THSD7A: variants seen among roughly 807,000 people sequenced by gnomAD.
The protein encoded by THSD7A is thrombospondin type-1 domain-containing protein 7A.
In THSD7A, 96 loss-of-function variants were observed where a neutral mutation model predicts 231.3. The ratio of observed to expected loss-of-function variants is 0.41; its 90% confidence interval spans 0.35 to 0.49. The LOEUF (loss-of-function observed/expected upper bound fraction) is 0.49. Among genes scored for constraint, THSD7A ranks in the 20% least tolerant of loss-of-function variants. THSD7A has a pLI of 0.05. For synonymous variants in THSD7A, 940 were observed against 743.3 expected, an observed-to-expected ratio of 1.26 and a Z score of -4.30; for missense variants, 2,290 against 2,070.2, an observed-to-expected ratio of 1.11 and a Z score of -2.06.
At chr7:11,701,933 A>G (rs1188120990) in intron 1 of THSD7A, among the ~76,000 whole-genome samples, 1 of 150,702 alleles carries the variant, frequency 6.6e-6, no homozygotes, top group Non-Finnish European at 1.5e-5. Flanking sequence ...GCCTGAGCAC[A>G]CTTTTTCCCC....
chr7:11,791,565 G>C (rs767606519), intron 1 of THSD7A, among the ~76,000 whole-genome samples: 1 of 151,914 alleles, frequency 6.6e-6, no homozygotes, highest in Non-Finnish European at 1.5e-5. Context: ...TTGCTGATAG[G>C]AAGAAAAGTT....
At chr7:11,735,308 C>G (rs1027920972) in intron 1 of THSD7A, among the ~76,000 whole-genome samples, 4 of 151,848 alleles carry the variant, frequency 2.6e-5, no homozygotes, top group African/African-American at 7.2e-5. Context: ...AATATAATTA[C>G]AGGTTGAGCA....
intron 11 of THSD7A, among the ~76,000 whole-genome samples, chr7:11,458,772 A>T (rs900622263): frequency 5.3e-5 from 8 of 152,186 alleles, no homozygotes; most frequent in African/African-American, 1.9e-4. Context: ...CAGTTTTCCG[A>T]TTTGGAAATG....
intron 6 of THSD7A, among the ~76,000 whole-genome samples, chr7:11,503,154 G>C (rs1007241949): frequency 6.6e-6 from 1 of 152,078 alleles, no homozygotes; most frequent in African/African-American, 2.4e-5. Flanking sequence ...CAGAAATAAG[G>C]TTGCACATCT....
At chr7:11,691,883 C>T (rs1780243425) in intron 1 of THSD7A, among the ~76,000 whole-genome samples, 1 of 151,178 alleles carries the variant, frequency 6.6e-6, no homozygotes, top group Admixed American at 6.6e-5. Context: ...TAGGAAATAC[C>T]ATTCTCAGGA....
intron 23 of THSD7A, chr7:11,384,763 T>TGTAA (rs1429574455): frequency 6.6e-6 from 1 of 152,018 alleles, no homozygotes; most frequent in Non-Finnish European, 1.5e-5. Flanking sequence ...TATAAAGCCA[T>TGTAA]GTAAGTCCCT....
intron 1 of THSD7A, among the ~76,000 whole-genome samples, chr7:11,795,409 T>C (rs991919886): frequency 6.6e-6 from 1 of 152,046 alleles, no homozygotes; most frequent in Non-Finnish European, 1.5e-5. Context: ...TGTCAAAAGA[T>C]GATGGTATCC....
At chr7:11,626,231 T>C (rs915374058) in intron 2 of THSD7A, among the ~76,000 whole-genome samples, 1 of 152,072 alleles carries the variant, frequency 6.6e-6, no homozygotes, top group Non-Finnish European at 1.5e-5. Flanking sequence ...CCTAAGACGG[T>C]AGGTCTTATG....
chr7:11,475,248 A>G (rs1562639598), intron 7 of THSD7A, among the ~76,000 whole-genome samples: 1 of 152,140 alleles, frequency 6.6e-6, no homozygotes, highest in Non-Finnish European at 1.5e-5. Context: ...GTTTCCTGCT[A>G]TTGTAGCCTG....
chr7:11,598,091 C>T (rs909400559), intron 2 of THSD7A, among the ~76,000 whole-genome samples: 3 of 152,184 alleles, frequency 2.0e-5, no homozygotes, highest in African/African-American at 4.8e-5. Flanking sequence ...GGAAATCTTA[C>T]CAGTGAGCAG....
intron 23 of THSD7A, among the ~76,000 whole-genome samples, chr7:11,390,285 G>C (rs1266990034): frequency 1.3e-5 from 2 of 152,144 alleles, no homozygotes; most frequent in Admixed American, 1.3e-4. Flanking sequence ...ATATTTCTTG[G>C]AGGCTTTGTT....
chr7:11,597,952 T>G (rs1005216950), intron 2 of THSD7A, among the ~76,000 whole-genome samples: 1 of 152,024 alleles, frequency 6.6e-6, no homozygotes, highest in African/African-American at 2.4e-5. Context: ...CTATGATCAG[T>G]TGACAGAGGA....
At chr7:11,606,829 C>T (rs1045300029) in intron 2 of THSD7A, among the ~76,000 whole-genome samples, 2 of 151,734 alleles carry the variant, frequency 1.3e-5, no homozygotes, top group Non-Finnish European at 2.9e-5. Context: ...GACAGCATGG[C>T]CACAGATTTA....
intron 23 of THSD7A, among the ~76,000 whole-genome samples, chr7:11,393,150 T>C (rs1243458113): frequency 6.6e-6 from 1 of 152,164 alleles, no homozygotes; most frequent in East Asian, 1.9e-4. Flanking sequence ...CTGGCTGGCA[T>C]CTGGCAGGTG....
chr7:11,716,798 A>G (rs957521641), intron 1 of THSD7A, among the ~76,000 whole-genome samples: 2 of 151,530 alleles, frequency 1.3e-5, no homozygotes, highest in Non-Finnish European at 1.5e-5. Flanking sequence ...CTTTCTGAAG[A>G]AAAAATCTTA....
intron 9 of THSD7A, among the ~76,000 whole-genome samples, chr7:11,467,945 A>T (rs2128300289): frequency 6.6e-6 from 1 of 152,076 alleles, no homozygotes; most frequent in South Asian, 2.1e-4. Context: ...TTTATTAGTG[A>T]CTACTCTGGA....
chr7:11,666,518 T>C (rs1390601353), intron 1 of THSD7A, among the ~76,000 whole-genome samples: 1 of 152,044 alleles, frequency 6.6e-6, no homozygotes, highest in Non-Finnish European at 1.5e-5. Context: ...TGTTAACTTA[T>C]GCTTGTTTAT....
rs190116000 is a variant in THSD7A, at chr7:11,774,875, C to T, written c.190+56882G>A. Among the ~76,000 whole-genome samples the T allele has an allele frequency of 4.1e-3, 626 of 152,012 alleles. 5 individuals are homozygous for T. Among genetic ancestry groups the T allele is most frequent in the African/African-American group, 0.015 (603 of 41,466 alleles). On this transcript the variant is annotated intron_variant, in intron 1 of 27. Transcript: ENST00000423059. Reference sequence around the variant, plus strand: ...TTCGAGACCAGCCTGGCCAACATGGCGAAACCTTGTCTCTACTGAAAATAC... The same window carrying T: ...TTCGAGACCAGCCTGGCCAACATGGTGAAACCTTGTCTCTACTGAAAATAC...
intron 4 of THSD7A, among the ~76,000 whole-genome samples, chr7:11,583,666 A>AT (rs1183131586): frequency 6.6e-6 from 1 of 152,006 alleles, no homozygotes; most frequent in Middle Eastern, 3.2e-3. Context: ...ATGATGGATT[A>AT]TTTTTCCTTG....
Sources: gnomAD v4.1 joint callset for allele counts (sites outside exome capture counted in the v4.1 genomes callset) on GRCh38, gnomAD v4.1.1 for gene constraint, MANE v1.5 for transcripts, NCBI Gene and HGNC (gene_info 2026-07-23, HGNC 2026-07-21) for gene names.